CARMIL1: variants seen among roughly 807,000 people sequenced by gnomAD.
The protein encoded by CARMIL1 is capping protein regulator and myosin 1 linker 1, also known as F-actin-uncapping protein LRRC16A.
A neutral mutation model predicts 177.1 loss-of-function variants in CARMIL1; 90 were observed. The observed-to-expected ratio is 0.51, with a 90% CI of 0.43 to 0.61. The LOEUF is 0.61. Ranked by LOEUF, CARMIL1 falls within the 20% of genes least tolerant of loss-of-function variation. The pLI, the probability that CARMIL1 is intolerant of heterozygous loss-of-function variation, is 0.00. For synonymous variants in CARMIL1, 577 were observed against 606.2 expected, an observed-to-expected ratio of 0.95 and a Z score of 0.71; for missense variants, 1,380 against 1,667.0, an observed-to-expected ratio of 0.83 and a Z score of 3.00.
At chr6:25,483,523 GCAC>G (rs940840822) in intron 12 of CARMIL1, among the ~76,000 whole-genome samples, 2 of 151,460 alleles carry the variant, frequency 1.3e-5, no homozygotes, top group African/African-American at 4.9e-5. Flanking sequence ...ACCAGTACCG[GCAC>G]CACCACCACC....
chr6:25,597,037 G>A (rs1415020204), intron 32 of CARMIL1, among the ~76,000 whole-genome samples: 1 of 152,188 alleles, frequency 6.6e-6, no homozygotes, highest in African/African-American at 2.4e-5. Context: ...GGTTCTGGAA[G>A]CTGGGAAGTT....
intron 2 of CARMIL1, among the ~76,000 whole-genome samples, chr6:25,303,814 G>T (rs751634931): frequency 5.9e-5 from 9 of 152,174 alleles, no homozygotes; most frequent in African/African-American, 9.7e-5. Flanking sequence ...CAATCATTCA[G>T]CACTATCTGT....
At chr6:25,473,507 A>G (rs912355690) in intron 11 of CARMIL1, among the ~76,000 whole-genome samples, 23 of 152,244 alleles carry the variant, frequency 1.5e-4, no homozygotes, top group Admixed American at 1.2e-3. Flanking sequence ...AGAATAAGAA[A>G]ATATATTTCC....
At chr6:25,529,058 AG>A (rs999292767) in intron 24 of CARMIL1, among the ~76,000 whole-genome samples, 165 bp downstream of exon 24, 2 of 152,256 alleles carry the variant, frequency 1.3e-5, no homozygotes, top group African/African-American at 4.8e-5. Context: ...AAGGAGGAAA[AG>A]GTAGGCTAAT....
intron 2 of CARMIL1, among the ~76,000 whole-genome samples, chr6:25,384,181 A>G (rs1791909754): frequency 6.6e-6 from 1 of 152,232 alleles, no homozygotes; most frequent in African/African-American, 2.4e-5. Flanking sequence ...TTTTCAAGAA[A>G]GAAAGCCCAA....
At chr6:25,404,543 G>A (rs1794183754) in intron 2 of CARMIL1, among the ~76,000 whole-genome samples, 1 of 152,076 alleles carries the variant, frequency 6.6e-6, no homozygotes, top group Non-Finnish European at 1.5e-5. Context: ...GATCACCTGA[G>A]GTCGGGAGTT....
intron 29 of CARMIL1, among the ~76,000 whole-genome samples, chr6:25,562,392 C>T (rs748482393): frequency 4.6e-5 from 7 of 152,022 alleles, no homozygotes; most frequent in African/African-American, 1.2e-4. Flanking sequence ...GGATTACAGG[C>T]GCCTGCCACC....
At chr6:25,527,364 C>G (rs1001945111) in intron 23 of CARMIL1, among the ~76,000 whole-genome samples, 9 of 152,168 alleles carry the variant, frequency 5.9e-5, no homozygotes, top group African/African-American at 1.9e-4. Flanking sequence ...GGGGAAATGT[C>G]TGGAAGGCAT....
At chr6:25,347,152 A>C (rs4712916) in intron 2 of CARMIL1, among the ~76,000 whole-genome samples, 8 of 152,088 alleles carry the variant, frequency 5.3e-5, no homozygotes, top group Non-Finnish European at 1.0e-4. Flanking sequence ...ATATCTGTCT[A>C]TTGTGCAGTT....
intron 26 of CARMIL1, among the ~76,000 whole-genome samples, chr6:25,549,061 A>C (rs921799482): frequency 6.6e-6 from 1 of 152,224 alleles, no homozygotes; most frequent in Non-Finnish European, 1.5e-5. Context: ...GACAGGCTAA[A>C]ATTCGTTTTT....
intron 2 of CARMIL1, among the ~76,000 whole-genome samples, chr6:25,402,681 T>C (rs1793992399): frequency 6.6e-6 from 1 of 152,196 alleles, no homozygotes; most frequent in South Asian, 2.1e-4. Context: ...ATAAAAAATT[T>C]AGTCACACTA....
At chr6:25,404,480 G>A (rs113180732) in intron 2 of CARMIL1, among the ~76,000 whole-genome samples, 5,582 of 152,284 alleles carry the variant, frequency 0.037, 118 homozygotes, top group South Asian at 0.095. Flanking sequence ...ATAGAGGCTG[G>A]GCGCGGTGGC....
Position 25,549,116 on chromosome 6 carries a change from A to G in CARMIL1, c.2329-1794A>G, listed in dbSNP as rs79805374. ...ATCATGGAGCAGAAAGAGACTTTAT[A>G]TAATTTTATAGATGAAAATGCAGAG... On this transcript the variant is annotated intron_variant, in intron 26 of 36. Transcript: ENST00000329474. Among the ~76,000 whole-genome samples the G allele has an allele frequency of 7.5e-4, 115 of 152,362 alleles. 1 individual carries two copies. The highest frequency in any genetic ancestry group is 2.5e-3 in the East Asian group (13 of 5,192).
At chr6:25,373,219 T>G (rs1281552729) in intron 2 of CARMIL1, among the ~76,000 whole-genome samples, 1 of 152,130 alleles carries the variant, frequency 6.6e-6, no homozygotes, top group East Asian at 1.9e-4. Flanking sequence ...CTTTGTCTTT[T>G]TTTTTTCTGT....
intron 29 of CARMIL1, among the ~76,000 whole-genome samples, chr6:25,566,895 TC>T (rs1418453322): frequency 1.3e-5 from 2 of 152,240 alleles, no homozygotes; most frequent in South Asian, 2.1e-4. Flanking sequence ...GAAAAAGTTA[TC>T]TTTAAACTGA....
At chr6:25,297,153 A>G (rs1415560567) in intron 2 of CARMIL1, among the ~76,000 whole-genome samples, 1 of 152,220 alleles carries the variant, frequency 6.6e-6, no homozygotes, top group Non-Finnish European at 1.5e-5. Flanking sequence ...CATCCTTGGG[A>G]CAGCACAAAT....
chr6:25,412,765 G>A (rs1342692834), intron 2 of CARMIL1, among the ~76,000 whole-genome samples: 1 of 152,168 alleles, frequency 6.6e-6, no homozygotes, highest in Non-Finnish European at 1.5e-5. Flanking sequence ...TCTATGTGGG[G>A]TAGTGGGAAG....
At chr6:25,528,981 A>G (rs901005142) in intron 24 of CARMIL1, 88 bp downstream of exon 24, 6 of 965,726 alleles carry the variant, frequency 6.2e-6, no homozygotes, top group Middle Eastern at 2.1e-4. Context: ...GTAATTTCCA[A>G]TGGGTCAATA....
At chr6:25,500,292 T>G in intron 17 of CARMIL1, 57 bp downstream of exon 17, 1 of 1,429,958 alleles carries the variant, frequency 7.0e-7, no homozygotes, top group East Asian at 2.3e-5. Flanking sequence ...CCGCTTTGCC[T>G]TTTTCCTGGA....
Sources: gnomAD v4.1 joint callset for allele counts (sites outside exome capture counted in the v4.1 genomes callset) on GRCh38, gnomAD v4.1.1 for gene constraint, MANE v1.5 for transcripts, NCBI Gene and HGNC (gene_info 2026-07-23, HGNC 2026-07-21) for gene names.